Variants in LTBP2 observed in about 807,000 individuals in gnomAD.
LTBP2 encodes the protein latent-transforming growth factor beta-binding protein 2.
Under a neutral mutation model 210.6 loss-of-function variants are expected in LTBP2, and 103 were observed. That is an observed-to-expected ratio of 0.49 (90% CI 0.42 to 0.58). The LOEUF (loss-of-function observed/expected upper bound fraction) is 0.58, where lower values mean the gene tolerates loss of function less well. Ranked by LOEUF, LTBP2 falls within the 20% of genes least tolerant of loss-of-function variation. LTBP2 has a pLI of 0.00. For missense variants in LTBP2, 2,313 were observed against 2,494.5 expected (o/e 0.93, Z 1.55); for synonymous variants, 1,007 against 1,015.0 (o/e 0.99, Z 0.15).
At chr14:74,585,689 C>T (rs1019733605) in intron 3 of LTBP2, among the ~76,000 whole-genome samples, 165 bp downstream of exon 3, 1 of 152,204 alleles carries the variant, frequency 6.6e-6, no homozygotes, top group Non-Finnish European at 1.5e-5. Flanking sequence ...TACTCTCCTG[C>T]TCATATCTCT....
rs149953380 is a variant in LTBP2, at chr14:74,507,279, C to T, written c.3807G>A (p.Pro1269=). Residue 1269 remains proline (P), a synonymous_variant, in exon 26 of 36, where the codon CCG becomes CCA. Transcript: ENST00000261978. The part of the protein sequence containing the change: ...DIDECEDYGD[P]VCGTWKCENS... ...TTTCACACTTCCAGGTGCCACACAC[C>T]GGGTCTCCATAGTCCTCACACTCGT... is the stretch of plus-strand genomic sequence containing the variant. 3,314 of 1,614,156 alleles carry T rather than the reference C, an allele frequency of 2.1e-3. 13 individuals carry two copies. The highest frequency in any genetic ancestry group is 3.6e-3 in the South Asian group (330 of 91,078).
intron 3 of LTBP2, among the ~76,000 whole-genome samples, chr14:74,575,322 C>A (rs2139776861): frequency 6.6e-6 from 1 of 152,356 alleles, no homozygotes; most frequent in East Asian, 1.9e-4. Flanking sequence ...TCAGGGGAAC[C>A]TCGAAGGGAC....
At chr14:74,581,996 G>A (rs1211606369) in intron 3 of LTBP2, among the ~76,000 whole-genome samples, 1 of 150,924 alleles carries the variant, frequency 6.6e-6, no homozygotes, top group Admixed American at 6.6e-5. Flanking sequence ...CCCATGTTGT[G>A]ACAAAGCCTG....
chr14:74,522,654 G>A (rs1178560384), intron 16 of LTBP2, 136 bp downstream of exon 16: 2 of 1,048,140 alleles, frequency 1.9e-6, no homozygotes, highest in African/African-American at 1.6e-5. Context: ...CACAGGGACT[G>A]TGCTCCTCCT....
chr14:74,509,145 C>T lies in LTBP2; in HGVS notation c.3403+93G>A, dbSNP rs74489017. 1,373 of 1,598,730 alleles carry T rather than the reference C, an allele frequency of 8.6e-4. 12 individuals are homozygous for T. The African/African-American group carries it at 0.016, about 19-fold the overall frequency. The stretch of plus-strand genomic sequence containing the variant: ...GGGGAGCGGGATGATGGCAGCTCCT[C>T]CAGCCTCAGCAGCCCCCCACCTGCT... On this transcript the variant is annotated intron_variant, in intron 22 of 35. Coordinates refer to ENST00000261978, the MANE Select transcript of LTBP2 (RefSeq NM_000428.3).
chr14:74,568,544 AG>A (rs2087934175), intron 3 of LTBP2, among the ~76,000 whole-genome samples: 1 of 152,190 alleles, frequency 6.6e-6, no homozygotes, highest in East Asian at 1.9e-4. Flanking sequence ...AAAGAGAAAT[AG>A]GAGGAGTCAA....
At chr14:74,549,804 G>A (rs987239089) in intron 8 of LTBP2, 59 bp downstream of exon 8, 59 of 1,412,230 alleles carry the variant, frequency 4.2e-5, no homozygotes, top group Non-Finnish European at 5.8e-5. Flanking sequence ...CCTGGCAGGA[G>A]AGGGCAGGCC....
intron 3 of LTBP2, among the ~76,000 whole-genome samples, chr14:74,575,061 A>G (rs919681612): frequency 6.6e-6 from 1 of 152,184 alleles, no homozygotes; most frequent in African/African-American, 2.4e-5. Context: ...ACGCAGAAGA[A>G]GGAAGGCACA....
chr14:74,550,003 C>G (rs764685070), intron 7 of LTBP2, 38 bp from the exon 8 acceptor site: 21 of 1,328,840 alleles, frequency 1.6e-5, no homozygotes, highest in Non-Finnish European at 2.3e-5. Flanking sequence ...GACCACCCCC[C>G]TTCCCTCCCA....
intron 3 of LTBP2, among the ~76,000 whole-genome samples, chr14:74,571,107 G>T (rs914159429): frequency 1.3e-5 from 2 of 151,332 alleles, no homozygotes; most frequent in African/African-American, 4.9e-5. Flanking sequence ...TGAGGTGGGC[G>T]GATCACTTGA....
intron 8 of LTBP2, among the ~76,000 whole-genome samples, chr14:74,544,043 G>T (rs1473961845): frequency 6.6e-6 from 1 of 152,208 alleles, no homozygotes; most frequent in Non-Finnish European, 1.5e-5. Context: ...GGGTTGGGAG[G>T]GTGCTCACTT....
chr14:74,561,504 T>C (rs1035508006), intron 3 of LTBP2, among the ~76,000 whole-genome samples: 1 of 152,200 alleles, frequency 6.6e-6, no homozygotes, highest in Non-Finnish European at 1.5e-5. Context: ...CCCCTACAGA[T>C]GTTTATATAA....
At chr14:74,557,755 G>A (rs1339218101) in intron 3 of LTBP2, among the ~76,000 whole-genome samples, 6 of 152,212 alleles carry the variant, frequency 3.9e-5, no homozygotes, top group African/African-American at 1.4e-4. Context: ...TGTGGTGGGT[G>A]TAAGCGTATT....
chr14:74,585,007 A>C (rs766768919), intron 3 of LTBP2, among the ~76,000 whole-genome samples: 17 of 152,212 alleles, frequency 1.1e-4, no homozygotes, highest in Non-Finnish European at 2.2e-4. Context: ...TTTCAGAAAG[A>C]ACTTCTTAAG....
At chr14:74,561,134 C>G in intron 3 of LTBP2, among the ~76,000 whole-genome samples, 1 of 152,120 alleles carries the variant, frequency 6.6e-6, no homozygotes, top group Non-Finnish European at 1.5e-5. Context: ...GCCTGGCCAA[C>G]ATGGTGAAAC....
chr14:74,576,906 G>C (rs1480373456), intron 3 of LTBP2, among the ~76,000 whole-genome samples: 1 of 152,074 alleles, frequency 6.6e-6, no homozygotes, highest in Non-Finnish European at 1.5e-5. Flanking sequence ...AACTCACAAA[G>C]CAATCTTTCA....
chr14:74,511,155 C>T, intron 19 of LTBP2, 90 bp downstream of exon 19: 1 of 1,599,054 alleles, frequency 6.3e-7, no homozygotes, highest in Non-Finnish European at 8.5e-7. Flanking sequence ...CCACCTCCCT[C>T]TGCCCACCTC....
chr14:74,504,891 G>A (rs1425073477), intron 29 of LTBP2, 30 bp from the exon 30 acceptor site: 1 of 1,613,182 alleles, frequency 6.2e-7, no homozygotes, highest in South Asian at 1.1e-5. Flanking sequence ...AGCTCAGAGT[G>A]GGGAGGGCCC....
At chr14:74,527,284 G>C in intron 13 of LTBP2, 63 bp downstream of exon 13, 2 of 1,583,246 alleles carry the variant, frequency 1.3e-6, no homozygotes, top group South Asian at 2.3e-5. Context: ...TGGGGCCTGA[G>C]CTGCTACCAG....
Sources: allele counts gnomAD v4.1 joint callset (sites outside exome capture counted in the v4.1 genomes callset), GRCh38; gene constraint gnomAD v4.1.1; transcripts MANE v1.5; gene names NCBI Gene and HGNC (gene_info 2026-07-23, HGNC 2026-07-21).